SPATA17: variants seen among roughly 807,000 people sequenced by gnomAD.
SPATA17 encodes spermatogenesis-associated protein 17.
A neutral mutation model predicts 62.2 loss-of-function variants in SPATA17; 53 were observed. The ratio of observed to expected loss-of-function variants is 0.85; its 90% CI spans 0.68 to 1.07. The LOEUF is 1.07. SPATA17 is among the 50% of genes least tolerant of loss of function. The pLI, the probability that SPATA17 is intolerant of heterozygous loss-of-function variation, is 0.00. For synonymous variants in SPATA17, 146 were observed against 146.8 expected (o/e 0.99, Z 0.04); for missense variants, 466 against 425.5 (o/e 1.10, Z -0.84).
At chr1:217,715,404 CATT>C (rs1217937931) in intron 5 of SPATA17, among the ~76,000 whole-genome samples, 7 of 152,098 alleles carry the variant, frequency 4.6e-5, no homozygotes, top group African/African-American at 1.7e-4. Flanking sequence ...TTAATATGAA[CATT>C]ATTCCAATTT....
chr1:217,849,432 C>T (rs985843675), intron 9 of SPATA17, among the ~76,000 whole-genome samples: 1 of 152,030 alleles, frequency 6.6e-6, no homozygotes, highest in Non-Finnish European at 1.5e-5. Context: ...TTGCCTTGTT[C>T]TCTGTGAAGT....
chr1:217,782,400 TG>T, intron 8 of SPATA17, 78 bp downstream of exon 8: 1 of 1,403,508 alleles, frequency 7.1e-7, no homozygotes, highest in Non-Finnish European at 9.4e-7. Flanking sequence ...TTTCTAATAC[TG>T]TAAAAAATCT....
Position 217,840,468 on chromosome 1 carries a change from C to A in SPATA17, c.1006-22306C>A, listed in dbSNP as rs111313769. Reference sequence around the variant, plus strand: ...AAAAGCTAAATAAAGTTCATCACTGCTATCTGGCCTATTAACCATTACACT... The same window carrying A: ...AAAAGCTAAATAAAGTTCATCACTGATATCTGGCCTATTAACCATTACACT... On this transcript the variant is annotated intron_variant, in intron 9 of 10. Coordinates refer to ENST00000366933, the MANE Select transcript of SPATA17 (RefSeq NM_138796.4). 9.7e-3 allele frequency among the ~76,000 whole-genome samples: 1,468 copies of A among 152,004 alleles called. 19 individuals are homozygous for A. The highest frequency in any genetic ancestry group is 0.033 in the African/African-American group (1,362 of 41,484).
intron 9 of SPATA17, among the ~76,000 whole-genome samples, chr1:217,821,720 G>A (rs1674866814): frequency 6.6e-6 from 1 of 152,040 alleles, no homozygotes; most frequent in Non-Finnish European, 1.5e-5. Context: ...CATTAATTAT[G>A]CTGTTATGTG....
chr1:217,812,964 T>C (rs896054373), intron 9 of SPATA17, among the ~76,000 whole-genome samples: 18 of 152,210 alleles, frequency 1.2e-4, no homozygotes, highest in Admixed American at 6.6e-5. Context: ...ATACGTCTTA[T>C]TACAGGTGAA....
chr1:217,674,836 A>C (rs558714346), intron 4 of SPATA17, among the ~76,000 whole-genome samples: 16 of 152,186 alleles, frequency 1.1e-4, no homozygotes, highest in African/African-American at 3.6e-4. Context: ...CTCTCACCTG[A>C]AGTTGGGTCG....
rs1676032173 is a variant in SPATA17 at position 217,867,165 on chromosome 1, A to C, written c.*146A>C. 6.6e-6 allele frequency: 1 copy of C among 152,166 alleles called. No individual in the cohort carries two copies. Among genetic ancestry groups the C allele is most frequent in the Admixed American group, 6.5e-5 (1 of 15,270 alleles). 9.4% of individuals were successfully genotyped at this position (152,166 alleles called of 1,614,324 possible). A position where few individuals can be genotyped will look rare whatever the true frequency, so the allele number is the denominator to read the frequency against. On this transcript the variant is annotated 3_prime_UTR_variant, in exon 11 of 11. Transcript: ENST00000366933. ...TTGTAGCTCTAGTCATGAATTAATT[A>C]TTGTGTGTATGTATTTGAAATCTCT... is the stretch of plus-strand genomic sequence containing the variant.
intron 5 of SPATA17, among the ~76,000 whole-genome samples, chr1:217,704,406 G>A (rs899177488): frequency 1.3e-5 from 2 of 149,900 alleles, no homozygotes; most frequent in East Asian, 3.9e-4. Context: ...GCCCGCCACC[G>A]CGCCCGGCTA....
chr1:217,743,433 T>A (rs952513536), intron 6 of SPATA17, among the ~76,000 whole-genome samples: 2 of 152,122 alleles, frequency 1.3e-5, no homozygotes, highest in African/African-American at 4.8e-5. Flanking sequence ...ACTATTAATA[T>A]CCTTATTTCT....
intron 5 of SPATA17, 135 bp from the exon 6 acceptor site, chr1:217,741,840 G>T: frequency 1.1e-6 from 1 of 869,930 alleles, no homozygotes; most frequent in Non-Finnish European, 1.7e-6. Context: ...GAAAATGCAG[G>T]TAAGATAGAT....
intron 4 of SPATA17, among the ~76,000 whole-genome samples, chr1:217,681,915 A>T (rs1355681168): frequency 6.6e-6 from 1 of 151,350 alleles, no homozygotes; most frequent in African/African-American, 2.4e-5. Context: ...TAGTCTCCAT[A>T]TTTCCCTTTC....
At chr1:217,645,680 A>G (rs1670164832) in intron 1 of SPATA17, among the ~76,000 whole-genome samples, 1 of 152,122 alleles carries the variant, frequency 6.6e-6, no homozygotes, top group African/African-American at 2.4e-5. Context: ...TCCACATTCT[A>G]TCTTCTTTGA....
chr1:217,649,004 T>C (rs1336590618), intron 2 of SPATA17, 33 bp downstream of exon 2: 1 of 1,416,406 alleles, frequency 7.1e-7, no homozygotes, highest in East Asian at 2.3e-5. Context: ...ACCTCAGATA[T>C]ATCATAAAAA....
At chr1:217,809,917 CAT>C (rs1368082865) in intron 9 of SPATA17, among the ~76,000 whole-genome samples, 4 of 152,178 alleles carry the variant, frequency 2.6e-5, no homozygotes, top group African/African-American at 9.7e-5. Flanking sequence ...ATATTTTAAA[CAT>C]GTGTAATGTG....
intron 1 of SPATA17, among the ~76,000 whole-genome samples, chr1:217,637,818 T>C (rs1237286091): frequency 6.6e-6 from 1 of 152,170 alleles, no homozygotes; most frequent in African/African-American, 2.4e-5. Flanking sequence ...TTCTTCCAAA[T>C]ACACAAGGAA....
intron 5 of SPATA17, among the ~76,000 whole-genome samples, chr1:217,741,614 A>G (rs1672626739): frequency 6.6e-6 from 1 of 152,068 alleles, no homozygotes; most frequent in African/African-American, 2.4e-5. Context: ...AATGTAAGGG[A>G]AAACAGTAGC....
At chr1:217,662,076 C>T (rs771317531) in intron 3 of SPATA17, among the ~76,000 whole-genome samples, 3 of 152,118 alleles carry the variant, frequency 2.0e-5, no homozygotes, top group Non-Finnish European at 1.5e-5. Context: ...TGAGAGTTCC[C>T]TGACTGCATT....
At chr1:217,686,521 A>AT (rs1340000931) in intron 5 of SPATA17, among the ~76,000 whole-genome samples, 7 of 151,982 alleles carry the variant, frequency 4.6e-5, no homozygotes, top group Non-Finnish European at 1.0e-4. Context: ...TTAGAGAAAC[A>AT]TCTCTCAGAT....
chr1:217,679,391 T>A (rs1671023570), intron 4 of SPATA17, among the ~76,000 whole-genome samples: 1 of 152,160 alleles, frequency 6.6e-6, no homozygotes, highest in Non-Finnish European at 1.5e-5. Context: ...CACAAGGATA[T>A]TGTGAGAATA....
Sources: allele counts gnomAD v4.1 joint callset (sites outside exome capture counted in the v4.1 genomes callset), GRCh38; gene constraint gnomAD v4.1.1; transcripts MANE v1.5; gene names NCBI Gene and HGNC (gene_info 2026-07-23, HGNC 2026-07-21).